The following SUMF1 variants were observed in gnomAD, a reference collection of about 807,000 sequenced individuals.
SUMF1 encodes sulfatase modifying factor 1, also known as formylglycine-generating enzyme.
A neutral mutation model predicts 47.6 loss-of-function variants in SUMF1; 48 were observed. The observed-to-expected ratio is 1.01, with a 90% CI of 0.80 to 1.28. The LOEUF is 1.28. SUMF1 is among the 50% of genes most tolerant of loss of function. SUMF1 has a pLI of 0.00. For synonymous variants in SUMF1, 230 were observed against 192.1 expected (o/e 1.20, Z -1.63); for missense variants, 571 against 485.4 (o/e 1.18, Z -1.66).
chr3:4,452,128 T>A (rs1332243521), intron 2 of SUMF1, among the ~76,000 whole-genome samples: 1 of 150,328 alleles, frequency 6.7e-6, no homozygotes, highest in African/African-American at 2.5e-5. Flanking sequence ...ACATTTGGGG[T>A]CTTAAAAAAA....
chr3:4,271,466 T>TATAGATAG (rs3048196), intron 8 of SUMF1, among the ~76,000 whole-genome samples: 357 of 108,482 alleles, frequency 3.3e-3, no homozygotes, highest in East Asian at 5.5e-3. Flanking sequence ...TTATACTATC[T>TATAGATAG]ATAGATAGAT....
chr3:4,063,914 C>T (rs1695320864), intron 9 of SUMF1, among the ~76,000 whole-genome samples: 1 of 152,108 alleles, frequency 6.6e-6, no homozygotes, highest in South Asian at 2.1e-4. Context: ...AATAATAACA[C>T]CTTAAATCAG....
intron 9 of SUMF1, among the ~76,000 whole-genome samples, chr3:4,038,738 C>T (rs1694851001): frequency 6.6e-6 from 1 of 152,192 alleles, no homozygotes; most frequent in Non-Finnish European, 1.5e-5. Context: ...GGAATAGAAC[C>T]ACTGCTGTGG....
At chr3:4,429,236 C>T (rs1346681063) in intron 3 of SUMF1, among the ~76,000 whole-genome samples, 2 of 152,194 alleles carry the variant, frequency 1.3e-5, no homozygotes, top group African/African-American at 2.4e-5. Context: ...TTAGATGGTA[C>T]GGTTAGTTTC....
At chr3:4,355,152 C>T (rs1699590390) in intron 8 of SUMF1, among the ~76,000 whole-genome samples, 1 of 152,074 alleles carries the variant, frequency 6.6e-6, no homozygotes, top group African/African-American at 2.4e-5. Flanking sequence ...GAGTTCAAGA[C>T]CAGCCTAGGC....
chr3:4,119,995 A>G (rs1406069669), intron 8 of SUMF1, among the ~76,000 whole-genome samples: 1 of 152,150 alleles, frequency 6.6e-6, no homozygotes, highest in Non-Finnish European at 1.5e-5. Context: ...GGAAATGTTA[A>G]CAAACAGCAG....
intron 8 of SUMF1, among the ~76,000 whole-genome samples, chr3:4,254,724 G>T (rs1228997987): frequency 2.0e-5 from 3 of 149,606 alleles, no homozygotes; most frequent in African/African-American, 7.4e-5. Context: ...CCCCAATCTA[G>T]CAAGGCAGGC....
intron 9 of SUMF1, among the ~76,000 whole-genome samples, chr3:4,036,410 T>A (rs1694796537): frequency 6.6e-6 from 1 of 152,138 alleles, no homozygotes; most frequent in South Asian, 2.1e-4. Flanking sequence ...TGGATCACAT[T>A]TCTTATCAAA....
intron 7 of SUMF1, among the ~76,000 whole-genome samples, chr3:4,397,765 C>T (rs1023850120): frequency 1.3e-5 from 2 of 152,072 alleles, no homozygotes; most frequent in Admixed American, 1.3e-4. Context: ...GGCCTATCTC[C>T]TTTCCACATC....
intron 8 of SUMF1, among the ~76,000 whole-genome samples, chr3:4,175,191 C>G (rs905830814): frequency 2.0e-5 from 3 of 152,196 alleles, no homozygotes; most frequent in Admixed American, 6.5e-5. Flanking sequence ...TTTCTCCCAG[C>G]ATGGCGTTTG....
At chr3:4,261,173 G>T (rs946588739) in intron 8 of SUMF1, among the ~76,000 whole-genome samples, 9 of 152,114 alleles carry the variant, frequency 5.9e-5, no homozygotes, top group African/African-American at 2.2e-4. Context: ...TCTTCCCACT[G>T]TATGAGCCTG....
intron 8 of SUMF1, among the ~76,000 whole-genome samples, chr3:4,110,788 A>T (rs1239634524): frequency 6.9e-6 from 1 of 145,118 alleles, no homozygotes; most frequent in Non-Finnish European, 1.5e-5. Flanking sequence ...GTGGGAATTG[A>T]ACAATGAGAA....
At chr3:4,112,492 A>C (rs1227986919) in intron 8 of SUMF1, among the ~76,000 whole-genome samples, 1 of 152,196 alleles carries the variant, frequency 6.6e-6, no homozygotes, top group Non-Finnish European at 1.5e-5. Context: ...GTTTCTCTTC[A>C]GCATCTTCTA....
intron 7 of SUMF1, among the ~76,000 whole-genome samples, chr3:4,387,988 G>A (rs1253143198): frequency 6.6e-6 from 1 of 152,054 alleles, no homozygotes; most frequent in Non-Finnish European, 1.5e-5. Context: ...TGATGGCACA[G>A]GATATGGTCT....
At chr3:4,149,510 C>T (rs1170090962) in intron 8 of SUMF1, among the ~76,000 whole-genome samples, 1 of 152,112 alleles carries the variant, frequency 6.6e-6, no homozygotes. Context: ...GACACAGTCA[C>T]CATAATAGGA....
At chr3:4,229,784 T>C (rs750678873) in intron 8 of SUMF1, among the ~76,000 whole-genome samples, 11 of 151,886 alleles carry the variant, frequency 7.2e-5, no homozygotes, top group Non-Finnish European at 1.3e-4. Flanking sequence ...GTAGCCAAGG[T>C]AGGAGAACTG....
At chr3:4,269,744 C>T (rs989287230) in intron 8 of SUMF1, among the ~76,000 whole-genome samples, 1 of 152,204 alleles carries the variant, frequency 6.6e-6, no homozygotes, top group African/African-American at 2.4e-5. Flanking sequence ...AGCCATGAAG[C>T]TCACAATGGC....
chr3:4,066,312 A>T (rs1695374767), intron 9 of SUMF1, among the ~76,000 whole-genome samples: 1 of 152,114 alleles, frequency 6.6e-6, no homozygotes, highest in African/African-American at 2.4e-5. Flanking sequence ...TCATAAAACG[A>T]TCTTTTTTCA....
rs199895009 is a variant in SUMF1 at position 4,313,861 on chromosome 3, ATG to A, written c.1014+62467_1014+62468del. 5.3e-5 allele frequency: 83 copies of A among 1,557,802 alleles called. 1 individual carries two copies. In the East Asian group the frequency reaches 1.8e-3, roughly 34 times the overall value. On this transcript the variant is annotated intron_variant and NMD_transcript_variant, in intron 8 of 12. Transcript: ENST00000448413. ...CTAGTTACATAAGTTTAACTCAGGA[ATG>A]TGGCAGAGACTGCAAGTTGTCCATC...
Sources: gnomAD v4.1 joint callset for allele counts (sites outside exome capture counted in the v4.1 genomes callset) on GRCh38, gnomAD v4.1.1 for gene constraint, MANE v1.5 for transcripts, NCBI Gene and HGNC (gene_info 2026-07-23, HGNC 2026-07-21) for gene names.